L3MBTL4: variants seen among roughly 807,000 people sequenced by gnomAD.
L3MBTL4 encodes the protein lethal(3)malignant brain tumor-like protein 4.
In L3MBTL4, 70 loss-of-function variants were observed where a neutral mutation model predicts 84.5. The ratio of observed to expected loss-of-function variants is 0.83; its 90% CI spans 0.68 to 1.01. The LOEUF (loss-of-function observed/expected upper bound fraction) is 1.01. L3MBTL4 is among the 50% of genes least tolerant of loss of function. L3MBTL4 has a pLI of 0.00. For synonymous variants in L3MBTL4, 274 were observed against 259.8 expected (o/e 1.05, Z -0.52); for missense variants, 715 against 754.8 (o/e 0.95, Z 0.62).
At chr18:6,286,073 G>T (rs990543712) in intron 4 of L3MBTL4, among the ~76,000 whole-genome samples, 1 of 151,334 alleles carries the variant, frequency 6.6e-6, no homozygotes, top group Non-Finnish European at 1.5e-5. Flanking sequence ...CTCGTGATCC[G>T]CCCGCCTCGG....
intron 14 of L3MBTL4, among the ~76,000 whole-genome samples, chr18:6,102,900 A>C (rs16949425): frequency 0.17 from 25,155 of 152,200 alleles, 2,414 homozygotes; most frequent in African/African-American, 0.27. Flanking sequence ...CAAACTAGAC[A>C]GGAAGGAAAA....
intron 1 of L3MBTL4, among the ~76,000 whole-genome samples, chr18:6,386,837 C>G (rs1254704044): frequency 6.6e-6 from 1 of 152,116 alleles, no homozygotes; most frequent in African/African-American, 2.4e-5. Flanking sequence ...CTGGAACAGA[C>G]TTTCATTTTA....
At chr18:6,213,317 T>C (rs1310228345) in intron 11 of L3MBTL4, 58 bp from the exon 12 acceptor site, 6 of 946,776 alleles carry the variant, frequency 6.3e-6, no homozygotes, top group Non-Finnish European at 8.0e-6. Context: ...TCAGATATCC[T>C]ACTAATTTTT....
chr18:6,154,547 C>G (rs182950168), intron 13 of L3MBTL4, among the ~76,000 whole-genome samples: 1 of 152,232 alleles, frequency 6.6e-6, no homozygotes, highest in African/African-American at 2.4e-5. Flanking sequence ...ATATGTTCCT[C>G]CAGTGTGAGC....
At chr18:6,247,582 G>A (rs550463577) in intron 5 of L3MBTL4, among the ~76,000 whole-genome samples, 3 of 145,684 alleles carry the variant, frequency 2.1e-5, no homozygotes, top group African/African-American at 7.7e-5. Context: ...AGGTTCAAGC[G>A]ATTCTCCTGC....
At chr18:6,123,736 T>A (rs1023632535) in intron 14 of L3MBTL4, among the ~76,000 whole-genome samples, 4 of 152,262 alleles carry the variant, frequency 2.6e-5, no homozygotes, top group Admixed American at 2.0e-4. Context: ...TCATCTTGTT[T>A]TGCAGATAAA....
chr18:5,966,305 T>C (rs2052351151), intron 17 of L3MBTL4, among the ~76,000 whole-genome samples: 1 of 152,184 alleles, frequency 6.6e-6, no homozygotes, highest in Non-Finnish European at 1.5e-5. Flanking sequence ...CTCTGGCCCT[T>C]ATCCATTAAA....
chr18:6,318,709 A>C (rs2051250791), intron 1 of L3MBTL4, among the ~76,000 whole-genome samples: 2 of 152,032 alleles, frequency 1.3e-5, no homozygotes, highest in African/African-American at 4.8e-5. Flanking sequence ...CACTGACAGC[A>C]CTAGACAGCT....
At chr18:6,071,683 GAGAAAGAA>G (rs200360798) in intron 16 of L3MBTL4, among the ~76,000 whole-genome samples, 5,671 of 99,638 alleles carry the variant, frequency 0.057, 179 homozygotes, top group African/African-American at 0.15. Flanking sequence ...AAAAGAAAGA[GAGAAAGAA>G]AGAAAGAAAG....
intron 16 of L3MBTL4, among the ~76,000 whole-genome samples, chr18:5,989,723 T>A (rs1255334781): frequency 6.6e-6 from 1 of 152,218 alleles, no homozygotes; most frequent in East Asian, 1.9e-4. Flanking sequence ...TATTATGTGC[T>A]CTCAGGTGAG....
chr18:6,236,488 C>A (rs768689870), intron 10 of L3MBTL4, among the ~76,000 whole-genome samples: 3 of 152,130 alleles, frequency 2.0e-5, no homozygotes, highest in Non-Finnish European at 4.4e-5. Flanking sequence ...ACACACTGAG[C>A]CTATTCATGA....
chr18:6,310,193 C>G (rs1411304149), intron 3 of L3MBTL4, among the ~76,000 whole-genome samples: 2 of 152,226 alleles, frequency 1.3e-5, no homozygotes, highest in Non-Finnish European at 2.9e-5. Flanking sequence ...CACGACACAG[C>G]AGAACACAAA....
At chr18:6,190,625 A>ATG (rs1189138915) in intron 12 of L3MBTL4, among the ~76,000 whole-genome samples, 9 of 152,216 alleles carry the variant, frequency 5.9e-5, no homozygotes, top group African/African-American at 2.2e-4. Flanking sequence ...CCAGGGATAT[A>ATG]TCAGTGAACA....
chr18:6,178,034 C>A (rs1222571437), intron 12 of L3MBTL4, among the ~76,000 whole-genome samples: 1 of 151,942 alleles, frequency 6.6e-6, no homozygotes, highest in Non-Finnish European at 1.5e-5. Context: ...TTAGGTCTTT[C>A]TATTTTAACT....
At chr18:6,078,159 G>A (rs1048250721) in intron 16 of L3MBTL4, among the ~76,000 whole-genome samples, 53 of 150,992 alleles carry the variant, frequency 3.5e-4, no homozygotes, top group African/African-American at 1.3e-3. Flanking sequence ...GGGTGCAGTG[G>A]CTCACACCTG....
chr18:6,166,665 A>T (rs1378228577), intron 13 of L3MBTL4, among the ~76,000 whole-genome samples: 1 of 152,218 alleles, frequency 6.6e-6, no homozygotes, highest in Non-Finnish European at 1.5e-5. Flanking sequence ...AATCTCTGGG[A>T]CACATTCAAA....
At chr18:6,319,293 A>G (rs71360028) in intron 1 of L3MBTL4, among the ~76,000 whole-genome samples, 1 of 139,858 alleles carries the variant, frequency 7.2e-6, no homozygotes, top group African/African-American at 2.6e-5. Context: ...TGAAATAGAA[A>G]CAACAACAAC....
chr18:6,361,935 G>C (rs1212623538), intron 1 of L3MBTL4, among the ~76,000 whole-genome samples: 1 of 151,846 alleles, frequency 6.6e-6, no homozygotes, highest in African/African-American at 2.4e-5. Context: ...GAGAAACATA[G>C]TGAGACCCCC....
chr18:6,371,643 G>A (rs1477641800), intron 1 of L3MBTL4, among the ~76,000 whole-genome samples: 1 of 152,192 alleles, frequency 6.6e-6, no homozygotes, highest in Non-Finnish European at 1.5e-5. Flanking sequence ...GAATTGTTAA[G>A]GCAGGGCACT....
Sources: allele counts gnomAD v4.1 joint callset (sites outside exome capture counted in the v4.1 genomes callset), GRCh38; gene constraint gnomAD v4.1.1; transcripts MANE v1.5; gene names NCBI Gene and HGNC (gene_info 2026-07-23, HGNC 2026-07-21).